Variants in PACRG observed in about 807,000 individuals in gnomAD.
The protein encoded by PACRG is parkin coregulated.
In PACRG, 29 loss-of-function variants were observed where a neutral mutation model predicts 29.7. That is an observed-to-expected ratio of 0.98 (90% CI 0.73 to 1.33). The LOEUF is 1.33. Among genes scored for constraint, PACRG ranks in the 40% most tolerant of loss-of-function variants. The pLI, the probability that PACRG is intolerant of heterozygous loss-of-function variation, is 0.00. For missense variants in PACRG, 279 were observed against 316.2 expected (o/e 0.88, Z 0.89); for synonymous variants, 116 against 118.7 (o/e 0.98, Z 0.15).
At chr6:163,003,963 A>G (rs1804808481) in intron 2 of PACRG, among the ~76,000 whole-genome samples, 1 of 152,178 alleles carries the variant, frequency 6.6e-6, no homozygotes, top group Non-Finnish European at 1.5e-5. Context: ...TTCCACTTGG[A>G]CTTGCTTAAT....
chr6:162,870,588 C>T (rs1223134386), intron 2 of PACRG, among the ~76,000 whole-genome samples: 3 of 152,178 alleles, frequency 2.0e-5, no homozygotes, highest in Non-Finnish European at 2.9e-5. Context: ...CCATGCTTTC[C>T]TCCTGAGTCC....
At chr6:162,822,621 T>A (rs540894376) in intron 2 of PACRG, among the ~76,000 whole-genome samples, 1 of 152,302 alleles carries the variant, frequency 6.6e-6, no homozygotes, top group South Asian at 2.1e-4. Flanking sequence ...TTCTCAAATT[T>A]TGAGTTCTTA....
chr6:162,882,222 C>T (rs1010444699), intron 2 of PACRG, among the ~76,000 whole-genome samples: 34 of 149,278 alleles, frequency 2.3e-4, no homozygotes, highest in African/African-American at 8.2e-4. Flanking sequence ...AGACCAGAGA[C>T]AGTGGGGTGC....
chr6:162,834,587 G>A (rs1040931293), intron 2 of PACRG, among the ~76,000 whole-genome samples: 1 of 151,092 alleles, frequency 6.6e-6, no homozygotes, highest in Non-Finnish European at 1.5e-5. Flanking sequence ...TTAAAACTTG[G>A]AATTGTTTGA....
chr6:163,176,759 G>C (rs747393354), intron 4 of PACRG, among the ~76,000 whole-genome samples: 4 of 152,210 alleles, frequency 2.6e-5, no homozygotes, highest in Non-Finnish European at 5.9e-5. Context: ...GCAGGTGGAA[G>C]AAATATATTC....
At chr6:163,144,209 A>T (rs1360751874) in intron 4 of PACRG, among the ~76,000 whole-genome samples, 1 of 141,020 alleles carries the variant, frequency 7.1e-6, no homozygotes, top group Non-Finnish European at 1.5e-5. Flanking sequence ...AACCTGGGAG[A>T]CAGAGTGAGA....
intron 2 of PACRG, among the ~76,000 whole-genome samples, chr6:163,002,409 T>C (rs1458841543): frequency 3.3e-5 from 5 of 152,156 alleles, no homozygotes; most frequent in Admixed American, 3.3e-4. Context: ...TGCCTTCTAA[T>C]GCTATATATA....
intron 2 of PACRG, among the ~76,000 whole-genome samples, chr6:162,892,891 G>A (rs569547868): frequency 2.1e-5 from 3 of 145,492 alleles, no homozygotes; most frequent in Non-Finnish European, 3.0e-5. Flanking sequence ...CAGGAGCCTC[G>A]GCCCACACCC....
chr6:162,753,716 T>G (rs1242490763), intron 1 of PACRG, among the ~76,000 whole-genome samples: 1 of 152,108 alleles, frequency 6.6e-6, no homozygotes, highest in African/African-American at 2.4e-5. Flanking sequence ...GGCTTAAAAG[T>G]GTGTAGCTTT....
At chr6:163,313,485 G>A (rs1171255689) in intron 4 of PACRG, among the ~76,000 whole-genome samples, 2 of 152,054 alleles carry the variant, frequency 1.3e-5, no homozygotes, top group Non-Finnish European at 2.9e-5. Flanking sequence ...GATTGTAATT[G>A]TTATATTTAT....
At chr6:162,957,440 C>T in intron 2 of PACRG, 1 of 517,858 alleles carries the variant, frequency 1.9e-6, no homozygotes, top group Non-Finnish European at 3.7e-6. Context: ...CCTGGGCACA[C>T]ACCACATGCA....
intron 4 of PACRG, among the ~76,000 whole-genome samples, chr6:163,120,564 C>T (rs908129070): frequency 3.3e-5 from 5 of 152,100 alleles, no homozygotes; most frequent in African/African-American, 9.7e-5. Context: ...AAGAGGTTAC[C>T]GCAGAGGTAG....
chr6:162,928,463 C>T lies in PACRG; in HGVS notation c.291+114182C>T, dbSNP rs11970247. Among the ~76,000 whole-genome samples, 759 of 151,744 alleles carry T rather than the reference C, an allele frequency of 5.0e-3. 12 individuals carry two copies. The highest frequency in any genetic ancestry group is 0.018 in the African/African-American group (728 of 41,388). The stretch of plus-strand genomic sequence containing the variant: ...AATTTTAAAATATTCTCCAAAGAAA[C>T]TATTTTTAAATTTTTTGTATTGATA... On this transcript the variant is annotated intron_variant, in intron 2 of 4. Transcript: ENST00000366888.
intron 2 of PACRG, among the ~76,000 whole-genome samples, chr6:162,832,942 T>G (rs1377962949): frequency 6.6e-6 from 1 of 152,078 alleles, no homozygotes; most frequent in Non-Finnish European, 1.5e-5. Context: ...TCAAGCAATT[T>G]CTCTTTGTTT....
At chr6:163,074,909 G>T (rs566843659) in intron 3 of PACRG, among the ~76,000 whole-genome samples, 3 of 152,076 alleles carry the variant, frequency 2.0e-5, no homozygotes, top group African/African-American at 7.2e-5. Flanking sequence ...TGGGAGGATC[G>T]CATGAGCCCA....
chr6:163,077,179 A>G (rs1299444908), intron 3 of PACRG, among the ~76,000 whole-genome samples: 1 of 152,166 alleles, frequency 6.6e-6, no homozygotes, highest in Non-Finnish European at 1.5e-5. Context: ...ATTTATTGGG[A>G]GAATTATTTA....
intron 3 of PACRG, among the ~76,000 whole-genome samples, chr6:163,067,859 T>C (rs1811691591): frequency 6.6e-6 from 1 of 152,258 alleles, no homozygotes; most frequent in Admixed American, 6.5e-5. Context: ...ACTTTTCTAA[T>C]ACAACTTGTT....
chr6:162,874,953 A>T (rs1232823374), intron 2 of PACRG, among the ~76,000 whole-genome samples: 1 of 152,024 alleles, frequency 6.6e-6, no homozygotes, highest in Non-Finnish European at 1.5e-5. Flanking sequence ...ACACAGTCAC[A>T]TGCCTCCGGT....
intron 4 of PACRG, among the ~76,000 whole-genome samples, chr6:163,095,719 C>T (rs1003521088): frequency 6.6e-6 from 1 of 152,050 alleles, no homozygotes; most frequent in Non-Finnish European, 1.5e-5. Context: ...CTCTTCTCTT[C>T]CTATGAGAAT....
Sources: allele counts gnomAD v4.1 joint callset (sites outside exome capture counted in the v4.1 genomes callset), GRCh38; gene constraint gnomAD v4.1.1; transcripts MANE v1.5; gene names NCBI Gene and HGNC (gene_info 2026-07-23, HGNC 2026-07-21).